Variants in ADAMTS6 observed in about 807,000 individuals in gnomAD.
The protein encoded by ADAMTS6 is A disintegrin and metalloproteinase with thrombospondin motifs 6.
In ADAMTS6, 23 loss-of-function variants were observed where a neutral mutation model predicts 144.3. The ratio of observed to expected loss-of-function variants is 0.16; its 90% CI spans 0.11 to 0.23. The LOEUF is 0.23. ADAMTS6 is among the 10% of genes least tolerant of loss of function. The pLI, the probability that ADAMTS6 is intolerant of heterozygous loss-of-function variation, is 1.00. For synonymous variants in ADAMTS6, 444 were observed against 457.5 expected (o/e 0.97, Z 0.38); for missense variants, 999 against 1,379.6 (o/e 0.72, Z 4.37).
intron 15 of ADAMTS6, among the ~76,000 whole-genome samples, chr5:65,238,297 T>C (rs1396244616): frequency 6.6e-6 from 1 of 152,042 alleles, no homozygotes; most frequent in African/African-American, 2.4e-5. Flanking sequence ...ACAAAAAAAT[T>C]CTGAGCATCT....
intron 7 of ADAMTS6, among the ~76,000 whole-genome samples, chr5:65,404,861 A>G (rs1561509606): frequency 6.6e-6 from 1 of 152,032 alleles, no homozygotes; most frequent in East Asian, 1.9e-4. Context: ...ATGGTATCTC[A>G]TTGTGGTTTT....
intron 9 of ADAMTS6, among the ~76,000 whole-genome samples, chr5:65,310,253 C>A (rs376802704): frequency 5.9e-5 from 9 of 152,090 alleles, no homozygotes; most frequent in Non-Finnish European, 1.5e-5. Flanking sequence ...GCCTGAAGAA[C>A]CGTGAGCCAA....
chr5:65,270,435 G>A (rs1761965768), intron 12 of ADAMTS6, among the ~76,000 whole-genome samples: 1 of 152,120 alleles, frequency 6.6e-6, no homozygotes, highest in African/African-American at 2.4e-5. Context: ...AAAAAATAAA[G>A]AAGTGTTTTG....
At chr5:65,416,236 A>C (rs1755494712) in intron 7 of ADAMTS6, 1 of 155,954 alleles carries the variant, frequency 6.4e-6, no homozygotes, top group Non-Finnish European at 1.4e-5. Context: ...TTATACAAGA[A>C]AAATAAAGTA....
intron 7 of ADAMTS6, among the ~76,000 whole-genome samples, chr5:65,350,112 C>T (rs746988140): frequency 6.6e-6 from 1 of 151,774 alleles, no homozygotes; most frequent in Non-Finnish European, 1.5e-5. Flanking sequence ...CAGATGAATG[C>T]CCTTTGAGCT....
chr5:65,191,778 T>C (rs1755029986), intron 21 of ADAMTS6, among the ~76,000 whole-genome samples: 1 of 152,126 alleles, frequency 6.6e-6, no homozygotes, highest in South Asian at 2.1e-4. Context: ...CTAAACATTA[T>C]ACAGTCAAGG....
chr5:65,293,061 T>C (rs1040669459), intron 10 of ADAMTS6, among the ~76,000 whole-genome samples: 4 of 152,086 alleles, frequency 2.6e-5, no homozygotes, highest in Admixed American at 2.0e-4. Context: ...TTTAGGCAAA[T>C]GTAATGCTAC....
Position 65,306,005 on chromosome 5 carries a change from T to G in ADAMTS6, c.1224-5874A>C, listed in dbSNP as rs543786464. Among the ~76,000 whole-genome samples the G allele has an allele frequency of 1.1e-4, 16 of 152,348 alleles. No homozygotes were observed. The East Asian group carries it at 2.9e-3, about 28-fold the overall frequency. ...CTTGGACAACGAACAGGTTAACTTATTACTTGCCATAAAAGTGGTAGATTC... is the reference window on the plus strand; with the variant it reads ...CTTGGACAACGAACAGGTTAACTTAGTACTTGCCATAAAAGTGGTAGATTC... On this transcript the variant is annotated intron_variant, in intron 9 of 24. Transcript: ENST00000381055.
At chr5:65,219,010 G>C (rs1016385785) in intron 18 of ADAMTS6, among the ~76,000 whole-genome samples, 1 of 152,052 alleles carries the variant, frequency 6.6e-6, no homozygotes, top group Non-Finnish European at 1.5e-5. Context: ...CTATTTATTA[G>C]AGATTAAGTG....
intron 11 of ADAMTS6, among the ~76,000 whole-genome samples, chr5:65,279,147 G>T (rs1040354578): frequency 1.3e-5 from 2 of 151,998 alleles, no homozygotes; most frequent in African/African-American, 2.4e-5. Flanking sequence ...GTTTCACCAT[G>T]TTGCTCAAGC....
At chr5:65,411,086 C>T (rs955467920) in intron 7 of ADAMTS6, among the ~76,000 whole-genome samples, 3 of 152,158 alleles carry the variant, frequency 2.0e-5, no homozygotes, top group Non-Finnish European at 2.9e-5. Flanking sequence ...GATCCTCCCA[C>T]CTCAGCCTCC....
In ADAMTS6 at chr5:65,291,854, A is replaced by T. The variant is rs562018489; in HGVS notation, c.1371-384T>A. Among the ~76,000 whole-genome samples, 133 of 152,304 alleles carry T rather than the reference A, an allele frequency of 8.7e-4. 1 individual carries two copies. The highest frequency in any genetic ancestry group is 2.6e-3 in the African/African-American group (110 of 41,574). ...CATGAAATGCAGAAAATTAAAAAAA[A>T]AATAATTATGGTTATAATCCTTAAA... On this transcript the variant is annotated intron_variant, in intron 10 of 24. Transcript: ENST00000381055.
intron 7 of ADAMTS6, among the ~76,000 whole-genome samples, chr5:65,442,947 G>C (rs546000488): frequency 1.7e-4 from 26 of 152,278 alleles, no homozygotes; most frequent in African/African-American, 6.3e-4. Flanking sequence ...TTCTGTTCCT[G>C]TGTTAGTCTG....
chr5:65,345,010 ATTTTTACATATGCGT>A (rs1748183326), intron 7 of ADAMTS6, among the ~76,000 whole-genome samples: 1 of 151,768 alleles, frequency 6.6e-6, no homozygotes, highest in East Asian at 1.9e-4. Flanking sequence ...CAAACTGGTA[ATTTTTACATATGCGT>A]TTTTCTACAC....
intron 20 of ADAMTS6, among the ~76,000 whole-genome samples, chr5:65,201,167 T>C (rs997124884): frequency 1.3e-5 from 2 of 152,182 alleles, no homozygotes; most frequent in African/African-American, 4.8e-5. Context: ...AAATGAGTCC[T>C]GGATGGAAAC....
Position 65,218,939 on chromosome 5 carries a change from G to A in ADAMTS6, c.2273-3452C>T, listed in dbSNP as rs1045490408. On this transcript the variant is annotated intron_variant, in intron 18 of 24. Transcript: ENST00000381055. ...CAATGTATTATGATAAATTAAAAAC[G>A]CATTTTGTAAATCATAAAGCAACCA... Among the ~76,000 whole-genome samples, 11 of 151,988 alleles carry A rather than the reference G, an allele frequency of 7.2e-5. No homozygotes were observed. In the East Asian group the frequency reaches 7.7e-4, roughly 11 times the overall value.
intron 1 of ADAMTS6, among the ~76,000 whole-genome samples, chr5:65,476,952 G>C (rs959190358): frequency 2.0e-5 from 3 of 152,148 alleles, no homozygotes; most frequent in Non-Finnish European, 2.9e-5. Context: ...AATGTGAATA[G>C]TTTTTAACAA....
Position 65,473,487 on chromosome 5 carries a change from A to C in ADAMTS6, c.97+90T>G, listed in dbSNP as rs533892866. ...ATTCCTATCACTACATATCCCAAAA[A>C]AAACTATCCACCCAAACTAAATATG... On this transcript the variant is annotated intron_variant, in intron 2 of 24. Transcript: ENST00000381055. 1.0e-5 allele frequency: 12 copies of C among 1,166,350 alleles called. No individual in the cohort carries two copies. In the African/African-American group the frequency reaches 1.9e-4, roughly 18 times the overall value. 72.3% of individuals were successfully genotyped at this position (1,166,350 alleles called of 1,614,324 possible).
intron 20 of ADAMTS6, among the ~76,000 whole-genome samples, chr5:65,213,333 C>T (rs1293984057): frequency 6.6e-6 from 1 of 151,850 alleles, no homozygotes; most frequent in Non-Finnish European, 1.5e-5. Context: ...TGCTTTAATT[C>T]TGTATGAGAC....
Sources: allele counts gnomAD v4.1 joint callset (sites outside exome capture counted in the v4.1 genomes callset), GRCh38; gene constraint gnomAD v4.1.1; transcripts MANE v1.5; gene names NCBI Gene and HGNC (gene_info 2026-07-23, HGNC 2026-07-21).